Variants in TBX5 observed in about 807,000 individuals in gnomAD.
The protein encoded by TBX5 is T-box transcription factor TBX5.
Under a neutral mutation model 51.1 loss-of-function variants are expected in TBX5, and 8 were observed. The observed-to-expected ratio is 0.16, with a 90% CI of 0.09 to 0.28. The LOEUF (loss-of-function observed/expected upper bound fraction) is 0.28. Ranked by LOEUF, TBX5 falls within the 10% of genes least tolerant of loss-of-function variation. The pLI, the probability that TBX5 is intolerant of heterozygous loss-of-function variation, is 1.00. For missense variants in TBX5, 589 were observed against 671.7 expected (o/e 0.88, Z 1.36); for synonymous variants, 302 against 266.4 (o/e 1.13, Z -1.30).
intron 7 of TBX5, among the ~76,000 whole-genome samples, chr12:114,380,410 G>A (rs1218426323): frequency 6.6e-6 from 1 of 152,092 alleles, no homozygotes; most frequent in African/African-American, 2.4e-5. Flanking sequence ...ACCTTGATAC[G>A]AGCCGTTCTG....
chr12:114,372,115 G>A (rs1869943415), intron 7 of TBX5, among the ~76,000 whole-genome samples: 1 of 152,114 alleles, frequency 6.6e-6, no homozygotes, highest in Admixed American at 6.6e-5. Context: ...GGAGGTGGGT[G>A]AGGGATGAGA....
At chr12:114,402,189 C>T (rs545734466) in intron 2 of TBX5, among the ~76,000 whole-genome samples, 62 of 152,152 alleles carry the variant, frequency 4.1e-4, no homozygotes, top group Non-Finnish European at 7.4e-4. Flanking sequence ...GCCATCAGCA[C>T]AAGGCTATGG....
chr12:114,377,415 G>T (rs1870252748), intron 7 of TBX5, among the ~76,000 whole-genome samples: 1 of 152,080 alleles, frequency 6.6e-6, no homozygotes, highest in Non-Finnish European at 1.5e-5. Context: ...AATTGAGACA[G>T]CATTTTGCTC....
intron 5 of TBX5, 85 bp downstream of exon 5, chr12:114,398,488 G>C: frequency 6.5e-7 from 1 of 1,546,250 alleles, no homozygotes; most frequent in Non-Finnish European, 8.8e-7. Flanking sequence ...GGCACACAGA[G>C]CCAAGAAGGG....
At chr12:114,387,742 G>A (rs1870898628) in intron 6 of TBX5, among the ~76,000 whole-genome samples, 1 of 152,200 alleles carries the variant, frequency 6.6e-6, no homozygotes, top group Non-Finnish European at 1.5e-5. Flanking sequence ...CCATGGTGGG[G>A]GTGGCTGTGC....
intron 7 of TBX5, among the ~76,000 whole-genome samples, chr12:114,371,583 T>C (rs956016639): frequency 2.7e-5 from 4 of 148,870 alleles, no homozygotes; most frequent in African/African-American, 9.8e-5. Flanking sequence ...GTTCAGATTT[T>C]TGTGTTTTTT....
intron 6 of TBX5, among the ~76,000 whole-genome samples, chr12:114,389,753 C>CAAAAAAA (rs55649814): frequency 9.9e-5 from 4 of 40,244 alleles, no homozygotes; most frequent in Non-Finnish European, 1.8e-4. Flanking sequence ...GACTCCGTCT[C>CAAAAAAA]AAAAAAAAAA....
At chr12:114,362,697 C>T (rs931878761) in intron 8 of TBX5, among the ~76,000 whole-genome samples, 1 of 152,176 alleles carries the variant, frequency 6.6e-6, no homozygotes, top group Non-Finnish European at 1.5e-5. Flanking sequence ...CAGGGTCTCT[C>T]TCTGTCACAC....
intron 7 of TBX5, among the ~76,000 whole-genome samples, chr12:114,367,803 A>T (rs1435053378): frequency 5.9e-5 from 9 of 152,216 alleles, no homozygotes; most frequent in Non-Finnish European, 1.0e-4. Flanking sequence ...CATGGCATTT[A>T]CAAACTGCAT....
chr12:114,394,983 C>G, intron 5 of TBX5, 90 bp from the exon 6 acceptor site: 2 of 1,300,708 alleles, frequency 1.5e-6, no homozygotes, highest in Non-Finnish European at 2.2e-6. Flanking sequence ...CTAAATTCGC[C>G]TTGTTATATC....
At chr12:114,384,396 C>T (rs1352675108) in intron 7 of TBX5, among the ~76,000 whole-genome samples, 2 of 152,102 alleles carry the variant, frequency 1.3e-5, no homozygotes, top group Non-Finnish European at 2.9e-5. Flanking sequence ...CTGCCTCGGC[C>T]TTCTGAGTAG....
intron 8 of TBX5, among the ~76,000 whole-genome samples, chr12:114,359,988 T>C (rs1869143757): frequency 6.6e-6 from 1 of 152,220 alleles, no homozygotes; most frequent in African/African-American, 2.4e-5. Context: ...CCATACTTAA[T>C]AGTATTTGGG....
chr12:114,372,109 G>A (rs1869942204), intron 7 of TBX5, among the ~76,000 whole-genome samples: 1 of 152,130 alleles, frequency 6.6e-6, no homozygotes, highest in Admixed American at 6.6e-5. Flanking sequence ...CGGGTGGGAG[G>A]TGGGTGAGGG....
intron 6 of TBX5, among the ~76,000 whole-genome samples, chr12:114,391,512 C>T (rs76154026): frequency 0.014 from 2,181 of 152,272 alleles, 56 homozygotes; most frequent in African/African-American, 0.049. Flanking sequence ...ACATGACACA[C>T]TTGCCGGGAA....
intron 6 of TBX5, among the ~76,000 whole-genome samples, chr12:114,394,483 C>T (rs553284895): frequency 1.3e-5 from 2 of 152,234 alleles, no homozygotes; most frequent in Admixed American, 6.5e-5. Flanking sequence ...GTGTGTGGCC[C>T]ATCTATGGTT....
At chr12:114,407,102 T>C (rs1872276893), upstream of TBX5, 1 of 985,310 alleles carries the variant, frequency 1.0e-6, no homozygotes, top group Non-Finnish European at 1.2e-6. Flanking sequence ...TGCCCCGAGG[T>C]CAGCAGCTGT....
At chr12:114,404,479 A>G (rs74456433) in intron 1 of TBX5, among the ~76,000 whole-genome samples, 20,213 of 152,152 alleles carry the variant, frequency 0.13, 1,397 homozygotes, top group South Asian at 0.15. Context: ...TTGCAAAAAG[A>G]AAAACACAGA....
At chr12:114,401,626 C>T (rs1433915057) in intron 3 of TBX5, among the ~76,000 whole-genome samples, 200 bp downstream of exon 3, 2 of 152,164 alleles carry the variant, frequency 1.3e-5, no homozygotes, top group East Asian at 3.9e-4. Flanking sequence ...TAGGAGAGAT[C>T]AATGGAGGAA....
intron 7 of TBX5, among the ~76,000 whole-genome samples, chr12:114,370,209 T>G (rs1869779762): frequency 1.5e-5 from 2 of 135,456 alleles, no homozygotes; most frequent in East Asian, 4.3e-4. Context: ...CCAGCCTGGA[T>G]GACAAGAGTG....
Sources: allele counts gnomAD v4.1 joint callset (sites outside exome capture counted in the v4.1 genomes callset), GRCh38; gene constraint gnomAD v4.1.1; transcripts MANE v1.5; gene names NCBI Gene and HGNC (gene_info 2026-07-23, HGNC 2026-07-21).